The following PXDN variants were observed in gnomAD, a reference collection of about 807,000 sequenced individuals.
The protein encoded by PXDN is peroxidasin homolog.
A neutral mutation model predicts 140.3 loss-of-function variants in PXDN; 77 were observed. That is an observed-to-expected ratio of 0.55 (90% CI 0.46 to 0.66). The LOEUF is 0.66. Ranked by LOEUF, PXDN falls within the 30% of genes least tolerant of loss-of-function variation. The pLI is 0.00. For synonymous variants in PXDN, 911 were observed against 857.4 expected (o/e 1.06, Z -1.09); for missense variants, 1,838 against 2,039.5 (o/e 0.90, Z 1.90).
chr2:1,648,149 C>T lies in PXDN; in HGVS notation c.3608+23G>A, dbSNP rs1486173488. On this transcript the variant is annotated intron_variant, in intron 17 of 22. Transcript: ENST00000252804. The surrounding 1 kb of genome is among the most constrained non-coding windows in gnomAD (Gnocchi z 8.9). Reference sequence around the variant, plus strand: ...CCAGGTGCCTAGGTACACGAGCCATCCCACACAGCCTCTTCAGCTCACCTT... The same window carrying T: ...CCAGGTGCCTAGGTACACGAGCCATTCCACACAGCCTCTTCAGCTCACCTT... The T allele has an allele frequency of 6.2e-7, 1 of 1,602,456 alleles. No individual in the cohort carries two copies. The highest frequency in any genetic ancestry group is 1.7e-5 in the Admixed American group (1 of 59,608).
At chr2:1,737,060 G>A (rs756403045) in intron 1 of PXDN, among the ~76,000 whole-genome samples, 5 of 152,192 alleles carry the variant, frequency 3.3e-5, no homozygotes, top group Non-Finnish European at 7.3e-5. Context: ...TAAACACCCT[G>A]CCCTGGTGCT....
In PXDN at chr2:1,644,665, C is replaced by T. The variant is rs1682809780; in HGVS notation, c.3696G>A (p.Leu1232=). 6.2e-7 allele frequency: 1 copy of T among 1,607,700 alleles called. No individual in the cohort carries two copies. Among genetic ancestry groups the T allele is most frequent in the Non-Finnish European group, 8.5e-7 (1 of 1,175,806 alleles). Residue 1232 remains leucine (L), a synonymous_variant, in exon 18 of 23, where the codon CTG becomes CTA. Coordinates refer to ENST00000252804, the MANE Select transcript of PXDN (RefSeq NM_012293.3). ...LVPGSRLGPT[L]MCLLSTQFKR... ...TGAACTGTGTGCTGAGAAGACACAT[C>T]AGGGTGGGGCCCAGCCGGCTGCCAG...
intron 1 of PXDN, among the ~76,000 whole-genome samples, chr2:1,697,649 A>T (rs1684329079): frequency 1.3e-5 from 2 of 152,242 alleles, no homozygotes; most frequent in African/African-American, 4.8e-5. Context: ...TTAAAGATTG[A>T]AAGAGCACTT....
chr2:1,674,417 C>T (rs1469557447), intron 8 of PXDN, among the ~76,000 whole-genome samples: 1 of 152,180 alleles, frequency 6.6e-6, no homozygotes. Flanking sequence ...GGTTGGCCTC[C>T]CTCTGGGATC....
chr2:1,639,835 A>G lies in PXDN; in HGVS notation c.3953-413T>C, dbSNP rs1193002639. ...CTGCACTCTGGAGTGCCTTAAAATT[A>G]TGCTACACTCCCTACGTCACACTGC... On this transcript the variant is annotated intron_variant, in intron 19 of 22. Coordinates refer to ENST00000252804, the MANE Select transcript of PXDN (RefSeq NM_012293.3). This position sits in a 1 kb window ranked among gnomAD's most constrained non-coding sequence, Gnocchi z 5.0. 6.6e-6 allele frequency among the ~76,000 whole-genome samples: 1 copy of G among 152,202 alleles called. No individual in the cohort carries two copies. The highest frequency in any genetic ancestry group is 1.9e-4 in the East Asian group (1 of 5,172).
At position 1,633,784 on chromosome 2, in the gene PXDN, A is replaced by C; in HGVS notation, c.*420T>G. 1 of 153,824 alleles carries C rather than the reference A, an allele frequency of 6.5e-6. No homozygotes were observed. Among genetic ancestry groups the C allele is most frequent in the Non-Finnish European group, 1.4e-5 (1 of 68,976 alleles). The allele number at this position is 153,824 out of a possible 1,614,324, so 9.5% of individuals were successfully genotyped here. On this transcript the variant is annotated 3_prime_UTR_variant, in exon 23 of 23. Transcript: ENST00000252804. ...AAGACTCACCCCACCTGCGGGTGAC[A>C]GGTCTGCCGGCTCCTGGCATCTGAA...
chr2:1,741,219 G>A (rs1457272792), intron 1 of PXDN, among the ~76,000 whole-genome samples: 1 of 152,162 alleles, frequency 6.6e-6, no homozygotes, highest in Non-Finnish European at 1.5e-5. Context: ...GTTGAGAGGA[G>A]GAAAGGAAGG....
rs1486743289 is a variant in PXDN at position 1,722,829 on chromosome 2, G to GCCTGAC, written c.200+21421_200+21426dup. On this transcript the variant is annotated intron_variant, in intron 1 of 22. Coordinates refer to ENST00000252804, the MANE Select transcript of PXDN (RefSeq NM_012293.3). ...GTTGCAGGGCACGGTGTGCCTCACAGCCTGACCCCTTCTGGACCACAAGCA... is the reference window on the plus strand; with the variant it reads ...GTTGCAGGGCACGGTGTGCCTCACAGCCTGACCCTGACCCCTTCTGGACCACAAGCA... Among the ~76,000 whole-genome samples, 4 of 152,358 alleles carry GCCTGAC rather than the reference G, an allele frequency of 2.6e-5. No homozygotes were observed. In the South Asian group the frequency reaches 6.2e-4, roughly 24 times the overall value.
chr2:1,642,317 T>A (rs1280083991), intron 19 of PXDN, among the ~76,000 whole-genome samples: 1 of 152,204 alleles, frequency 6.6e-6, no homozygotes, highest in African/African-American at 2.4e-5. Flanking sequence ...ACAGCTCTAT[T>A]ATCAGTGCAG....
rs74169655 is a variant in PXDN at position 1,706,740 on chromosome 2, G to A, written c.201-13606C>T. Among the ~76,000 whole-genome samples, 11 of 62,646 alleles carry A rather than the reference G, an allele frequency of 1.8e-4. 1 individual carries two copies. Among genetic ancestry groups the A allele is most frequent in the African/African-American group, 5.4e-4 (5 of 9,226 alleles). The allele number at this position is 62,646 out of a possible 152,430, so 41.1% of individuals were successfully genotyped here. On this transcript the variant is annotated intron_variant, in intron 1 of 22. Transcript: ENST00000252804. ...TGCAGTGTTCACCAATCAGCTCTAA[G>A]CATCACCTGCCCCACTAATAATACA...
intron 1 of PXDN, among the ~76,000 whole-genome samples, chr2:1,701,494 G>A (rs1558515098): frequency 6.6e-6 from 1 of 152,208 alleles, no homozygotes; most frequent in African/African-American, 2.4e-5. Context: ...GGGCAAGGGT[G>A]TATTTTGGAG....
intron 4 of PXDN, among the ~76,000 whole-genome samples, chr2:1,686,212 T>G (rs962002145): frequency 2.0e-5 from 3 of 152,208 alleles, no homozygotes; most frequent in African/African-American, 7.2e-5. Context: ...AACAGCTCCC[T>G]GCCCGAGGGC....
At chr2:1,740,378 A>T (rs888698034) in intron 1 of PXDN, among the ~76,000 whole-genome samples, 48 of 152,030 alleles carry the variant, frequency 3.2e-4, no homozygotes, top group African/African-American at 1.1e-3. Context: ...GACCCATGTG[A>T]CTCACTCAGG....
intron 9 of PXDN, among the ~76,000 whole-genome samples, chr2:1,672,800 G>A (rs1445752849): frequency 6.6e-6 from 1 of 152,190 alleles, no homozygotes; most frequent in Non-Finnish European, 1.5e-5. Context: ...TAACCATAAT[G>A]GCCTGAAATA....
Position 1,649,683 on chromosome 2 carries a change from G to A in PXDN, c.2105-8C>T, listed in dbSNP as rs563065501. 8.7e-6 allele frequency: 14 copies of A among 1,613,552 alleles called. No homozygotes were observed. The highest frequency in any genetic ancestry group is 3.3e-5 in the South Asian group (3 of 91,022). ...GGTCGTTGTAGTGGTAACCTGGGAC[G>A]TGGAGAAAAGCAAGACGCACTCAAT... On this transcript the variant is annotated splice_polypyrimidine_tract_variant and splice_region_variant and intron_variant, in intron 16 of 22. Transcript: ENST00000252804. The surrounding 1 kb of genome is among the most constrained non-coding windows in gnomAD (Gnocchi z 7.1).
intron 7 of PXDN, among the ~76,000 whole-genome samples, chr2:1,677,358 A>T (rs1008308061): frequency 6.6e-6 from 1 of 152,132 alleles, no homozygotes; most frequent in South Asian, 2.1e-4. Flanking sequence ...AAAGCCAAAC[A>T]CCTGTGCGGA....
intron 1 of PXDN, among the ~76,000 whole-genome samples, chr2:1,710,988 C>T (rs1168890161): frequency 9.7e-5 from 7 of 71,980 alleles, no homozygotes; most frequent in Non-Finnish European, 1.7e-4. Flanking sequence ...CCCGCTCCAC[C>T]AGCACCCACT....
In PXDN at chr2:1,744,463, G is replaced by T; in HGVS notation, c.-8C>A. 6.9e-7 allele frequency: 1 copy of T among 1,449,066 alleles called. No homozygotes were observed. The highest frequency in any genetic ancestry group is 1.4e-5 in the South Asian group (1 of 72,998). 89.8% of individuals were successfully genotyped at this position (1,449,066 alleles called of 1,614,324 possible). A position where few individuals can be genotyped will look rare whatever the true frequency, so the allele number is the denominator to read the frequency against. ...CCTGGAGCGCTTGGCCATGGCCGAC[G>T]GCGCGGACGGACGCTCGGACGCACG... On this transcript the variant is annotated 5_prime_UTR_variant, in exon 1 of 23. Transcript: ENST00000252804.
At chr2:1,715,093 A>G (rs1684864846) in intron 1 of PXDN, among the ~76,000 whole-genome samples, 1 of 151,826 alleles carries the variant, frequency 6.6e-6, no homozygotes, top group South Asian at 2.1e-4. Context: ...AACTTCTTCC[A>G]TGGGTGTTAA....
Sources: gnomAD v4.1 joint callset for allele counts (sites outside exome capture counted in the v4.1 genomes callset) on GRCh38, gnomAD v4.1.1 for gene constraint, Gnocchi (gnomAD v3.1) non-coding constraint, MANE v1.5 for transcripts, NCBI Gene and HGNC (gene_info 2026-07-23, HGNC 2026-07-21) for gene names.